The following TMPRSS11D variants were observed in gnomAD, a reference collection of about 807,000 sequenced individuals.
The protein encoded by TMPRSS11D is transmembrane serine protease 11D, also known as transmembrane protease serine 11D.
In TMPRSS11D, 32 loss-of-function variants were observed where a neutral mutation model predicts 44.4. The ratio of observed to expected loss-of-function variants is 0.72; its 90% CI spans 0.54 to 0.97. The LOEUF is 0.97. Among genes scored for constraint, TMPRSS11D ranks in the 50% least tolerant of loss-of-function variants. TMPRSS11D has a pLI of 0.00. For missense variants in TMPRSS11D, 446 were observed against 502.6 expected, an observed-to-expected ratio of 0.89 and a Z score of 1.08; for synonymous variants, 179 against 177.9, an observed-to-expected ratio of 1.01 and a Z score of -0.05.
In TMPRSS11D at chr4:67,822,365, T is replaced by C. The variant is rs1717663415; in HGVS notation, c.1229A>G (p.Asp410Gly). 1 of 1,613,702 alleles carries C rather than the reference T, an allele frequency of 6.2e-7. No homozygotes were observed. Among genetic ancestry groups the C allele is most frequent in the Non-Finnish European group, 8.5e-7 (1 of 1,179,814 alleles). ...GATCCCAGTTTGTTGCCTAATCCAG[T>C]CAAGGTAGGCTGTCACTCGAGTATA... Reference protein sequence around the residue: ...GVYTRVTAYLDWIRQQTGI With the variant: ...GVYTRVTAYLGWIRQQTGI The change falls in exon 10 of 10, where the codon GAC (aspartate) becomes GGC (glycine). Residue 410 changes from aspartate to glycine, a missense_variant. Transcript: ENST00000283916.
intron 4 of TMPRSS11D, 131 bp from the exon 5 acceptor site, chr4:67,838,460 A>C: frequency 9.5e-6 from 8 of 844,870 alleles, no homozygotes; most frequent in Non-Finnish European, 1.4e-5. Flanking sequence ...AGATCTCTGT[A>C]ACAGTGTTTG....
At chr4:67,859,438 A>C in intron 2 of TMPRSS11D, 119 bp downstream of exon 2, 1 of 1,116,272 alleles carries the variant, frequency 9.0e-7, no homozygotes, top group Non-Finnish European at 1.3e-6. Context: ...TATAAGTAAG[A>C]TATATAATCA....
At chr4:67,826,283 A>G (rs919286525) in intron 8 of TMPRSS11D, among the ~76,000 whole-genome samples, 6 of 152,068 alleles carry the variant, frequency 3.9e-5, no homozygotes, top group Non-Finnish European at 8.8e-5. Flanking sequence ...ATATTGATGT[A>G]CTCTCAGAAT....
intron 1 of TMPRSS11D, among the ~76,000 whole-genome samples, chr4:67,880,540 A>G (rs1463367268): frequency 2.0e-5 from 3 of 152,234 alleles, no homozygotes; most frequent in Non-Finnish European, 4.4e-5. Context: ...TATTAAATTC[A>G]GGTAGATATC....
intron 6 of TMPRSS11D, among the ~76,000 whole-genome samples, chr4:67,834,798 G>T (rs971457826): frequency 6.6e-6 from 1 of 152,128 alleles, no homozygotes; most frequent in South Asian, 2.1e-4. Flanking sequence ...GCAGTAAAAG[G>T]TTCTCAAAGC....
At chr4:67,859,192 A>T (rs562666944) in intron 2 of TMPRSS11D, among the ~76,000 whole-genome samples, 1 of 152,224 alleles carries the variant, frequency 6.6e-6, no homozygotes, top group Non-Finnish European at 1.5e-5. Flanking sequence ...TTATGATTTT[A>T]TCAGGTTATC....
intron 1 of TMPRSS11D, among the ~76,000 whole-genome samples, chr4:67,863,233 A>G (rs1056163848): frequency 1.3e-5 from 2 of 150,674 alleles, no homozygotes; most frequent in Non-Finnish European, 3.0e-5. Context: ...ATATACATGC[A>G]ATAGCTGTTG....
chr4:67,863,959 C>A (rs921288101), intron 1 of TMPRSS11D, among the ~76,000 whole-genome samples: 8 of 151,922 alleles, frequency 5.3e-5, no homozygotes, highest in African/African-American at 1.9e-4. Flanking sequence ...CCCCCTGCGA[C>A]ATGTTGGTGA....
intron 3 of TMPRSS11D, among the ~76,000 whole-genome samples, chr4:67,850,076 C>G (rs1332491266): frequency 6.6e-6 from 1 of 152,054 alleles, no homozygotes; most frequent in African/African-American, 2.4e-5. Context: ...TCTTGAAATA[C>G]TAAATATATT....
intron 9 of TMPRSS11D, among the ~76,000 whole-genome samples, chr4:67,824,591 A>G (rs1174196840): frequency 1.3e-5 from 2 of 152,112 alleles, no homozygotes; most frequent in Admixed American, 6.6e-5. Context: ...CAATTGAAAA[A>G]CAAATCTCCA....
chr4:67,824,554 A>C (rs1174482909), intron 9 of TMPRSS11D, among the ~76,000 whole-genome samples: 1 of 152,146 alleles, frequency 6.6e-6, no homozygotes, highest in Non-Finnish European at 1.5e-5. Flanking sequence ...AAGGAGATAA[A>C]GGACTGGGTA....
rs1358757688 is a variant in TMPRSS11D, at chr4:67,827,515, G to A, written c.698C>T (p.Ser233Phe). ...LTAAHCFRSN[S>F]NPRDWIATSG... ...CGTGGCAATCCAGTCACGAGGATTA[G>A]AGTTGCTAAAACATTATGAAAACAT... The change falls in exon 8 of 10, where the codon TCT (serine) becomes TTT (phenylalanine). Residue 233 changes from serine to phenylalanine, a missense_variant. Ser to Phe is a radical substitution (Grantham distance 155, BLOSUM62 -2). Coordinates refer to ENST00000283916, the MANE Select transcript of TMPRSS11D (RefSeq NM_004262.3). 1.3e-6 allele frequency: 2 copies of A among 1,594,038 alleles called. No homozygotes were observed. Among genetic ancestry groups the A allele is most frequent in the South Asian group, 2.3e-5 (2 of 87,120 alleles).
At chr4:67,848,585 C>G (rs1327583674) in intron 3 of TMPRSS11D, among the ~76,000 whole-genome samples, 1 of 152,104 alleles carries the variant, frequency 6.6e-6, no homozygotes, top group Non-Finnish European at 1.5e-5. Flanking sequence ...GTAGAGGGAC[C>G]TGAGCCAATT....
At position 67,859,608 on chromosome 4, in the gene TMPRSS11D, C is replaced by A. The variant is rs779755642; in HGVS notation, c.79G>T (p.Val27Leu). ...GCTATGGTGACTGCCAGGATCACTA[C>A]CCCTGCGACGACAATGAAACATACT... ...YVVCFIVVAGVVILAVTIALL... is the reference protein window; with the variant it reads ...YVVCFIVVAGLVILAVTIALL... Residue 27 changes from valine (V) to leucine (L), a missense_variant, in exon 2 of 10, where the codon GTA (valine) becomes TTA (leucine). Physicochemically the swap from Val to Leu is conservative, Grantham distance 32 (BLOSUM62 1). Transcript: ENST00000283916. The A allele has an allele frequency of 6.2e-7, 1 of 1,613,262 alleles. No homozygotes were observed. Among genetic ancestry groups the A allele is most frequent in the Non-Finnish European group, 8.5e-7 (1 of 1,179,432 alleles).
At chr4:67,880,497 A>G (rs542712499) in intron 1 of TMPRSS11D, among the ~76,000 whole-genome samples, 1 of 152,238 alleles carries the variant, frequency 6.6e-6, no homozygotes, top group Admixed American at 6.5e-5. Flanking sequence ...TTCAGTAGAG[A>G]AGGAAACATT....
At chr4:67,864,018 C>T (rs1428432894) in intron 1 of TMPRSS11D, among the ~76,000 whole-genome samples, 2 of 151,846 alleles carry the variant, frequency 1.3e-5, no homozygotes, top group African/African-American at 4.8e-5. Flanking sequence ...GAGCAGATGG[C>T]ATGCATGCTG....
At chr4:67,859,443 TA>T in intron 2 of TMPRSS11D, 113 bp downstream of exon 2, 1 of 1,199,184 alleles carries the variant, frequency 8.3e-7, no homozygotes, top group Non-Finnish European at 1.2e-6. Context: ...GTAAGATATA[TA>T]ATCACATTAT....
intron 7 of TMPRSS11D, 106 bp from the exon 8 acceptor site, chr4:67,827,626 C>T (rs1717836204): frequency 4.1e-6 from 5 of 1,233,222 alleles, no homozygotes; most frequent in African/African-American, 1.5e-5. Flanking sequence ...ACTATTGGAT[C>T]CACATCTCTT....
At chr4:67,883,295 G>A (rs1368656743) in intron 1 of TMPRSS11D, among the ~76,000 whole-genome samples, 1 of 151,936 alleles carries the variant, frequency 6.6e-6, no homozygotes, top group East Asian at 1.9e-4. Context: ...GTTTTGAGAT[G>A]TTAACGTGTG....
Sources: allele counts gnomAD v4.1 joint callset (sites outside exome capture counted in the v4.1 genomes callset), GRCh38; gene constraint gnomAD v4.1.1; transcripts MANE v1.5; gene names NCBI Gene and HGNC (gene_info 2026-07-23, HGNC 2026-07-21).